Variants in PPP2R1B observed in about 807,000 individuals in gnomAD.
PPP2R1B encodes protein phosphatase 2 scaffold subunit Abeta, also known as serine/threonine-protein phosphatase 2A 65 kDa regulatory subunit A beta isoform.
In PPP2R1B, 58 loss-of-function variants were observed where a neutral mutation model predicts 72.7. The observed-to-expected ratio is 0.80, with a 90% confidence interval of 0.65 to 0.99. The LOEUF is 0.99. Ranked by LOEUF, PPP2R1B falls within the 50% of genes least tolerant of loss-of-function variation. The pLI is 0.00. For missense variants in PPP2R1B, 695 were observed against 733.6 expected, an observed-to-expected ratio of 0.95 and a Z score of 0.61; for synonymous variants, 256 against 264.6, an observed-to-expected ratio of 0.97 and a Z score of 0.32.
the PPP2R1B span, chr11:111,712,347 T>A: frequency 6.2e-7 from 1 of 1,614,148 alleles, no homozygotes; most frequent in Non-Finnish European, 8.5e-7. Context: ...GCTGCATTCA[T>A]GGAAGAAGAG....
the PPP2R1B span, among the ~76,000 whole-genome samples, chr11:111,695,611 C>A: frequency 6.6e-6 from 1 of 152,130 alleles, no homozygotes; most frequent in South Asian, 2.1e-4. Context: ...GTCTGGAGAC[C>A]AGCAGCATGA....
chr11:111,737,317 C>G, downstream of PPP2R1B: 1 of 1,383,406 alleles, frequency 7.2e-7, no homozygotes, highest in Non-Finnish European at 9.9e-7. Context: ...TAAAATTGGA[C>G]TCTTCCCCTG....
intron 15 of PPP2R1B, chr11:111,727,150 A>T: frequency 9.6e-7 from 1 of 1,038,874 alleles, no homozygotes; most frequent in Non-Finnish European, 1.5e-6. Context: ...CCCCCTCGCC[A>T]CCTCTGCCTG....
At chr11:111,705,788 C>G in the PPP2R1B span, among the ~76,000 whole-genome samples, 1 of 152,124 alleles carries the variant, frequency 6.6e-6, no homozygotes, top group Non-Finnish European at 1.5e-5. This position sits in a 1 kb window ranked among gnomAD's most constrained non-coding sequence, Gnocchi z 4.3. Flanking sequence ...AAAATTCTAT[C>G]GATGCTTTAA....
chr11:111,711,575 T>G, the PPP2R1B span, among the ~76,000 whole-genome samples: 1 of 152,206 alleles, frequency 6.6e-6, no homozygotes, highest in Admixed American at 6.5e-5. Flanking sequence ...GCAGTAAGCT[T>G]CTCTCCTTCC....
rs1372805621 is a variant in PPP2R1B at position 111,738,478 on chromosome 11, G to A, written c.*3118C>T. 9 of 985,322 alleles carry A rather than the reference G, an allele frequency of 9.1e-6. No homozygotes were observed. Among genetic ancestry groups the A allele is most frequent in the South Asian group, 4.7e-5 (1 of 21,292 alleles). 61.0% of individuals were successfully genotyped at this position (985,322 alleles called of 1,614,324 possible). ...ACAAAAGTGCACCAGGTTAACCGCC[G>A]GGTCAGGAAGGACAGGCTTGCTTCC... On this transcript the variant is annotated 3_prime_UTR_variant, in exon 15 of 15. Coordinates refer to ENST00000527614, the MANE Select transcript of PPP2R1B (RefSeq NM_002716.5).
intron 9 of PPP2R1B, among the ~76,000 whole-genome samples, chr11:111,752,808 A>C (rs1283348300): frequency 6.6e-6 from 1 of 152,090 alleles, no homozygotes; most frequent in African/African-American, 2.4e-5. Flanking sequence ...CTAAAAATAC[A>C]AAAAATTAGC....
chr11:111,761,810 T>G (rs1945339653), intron 3 of PPP2R1B, among the ~76,000 whole-genome samples: 1 of 152,030 alleles, frequency 6.6e-6, no homozygotes, highest in Admixed American at 6.6e-5. Flanking sequence ...AATACAAAAA[T>G]TAGCCAGACA....
At chr11:111,713,966 C>G in the PPP2R1B span, among the ~76,000 whole-genome samples, 1 of 147,432 alleles carries the variant, frequency 6.8e-6, no homozygotes, top group Non-Finnish European at 1.5e-5. Context: ...GACTGCATCT[C>G]AAAAAAAAAA....
chr11:111,726,809 G>T, downstream of PPP2R1B: 1 of 672,006 alleles, frequency 1.5e-6, no homozygotes, highest in Non-Finnish European at 2.6e-6. Flanking sequence ...TTAGCAGTGT[G>T]TACACTACTG....
downstream of PPP2R1B, chr11:111,726,448 C>G (rs540701427): frequency 6.5e-6 from 1 of 154,252 alleles, no homozygotes; most frequent in South Asian, 2.0e-4. Flanking sequence ...CACACGGCAG[C>G]GGCGTGGACA....
chr11:111,746,561 C>T (rs1041657278), intron 11 of PPP2R1B, among the ~76,000 whole-genome samples: 6 of 152,050 alleles, frequency 3.9e-5, no homozygotes, highest in South Asian at 2.1e-4. Flanking sequence ...TTGATAGATG[C>T]GGCAAACCAC....
At chr11:111,726,556 A>G (rs1187388431), downstream of PPP2R1B, 1 of 171,792 alleles carries the variant, frequency 5.8e-6, no homozygotes, top group Non-Finnish European at 1.3e-5. Context: ...AATAAATTCC[A>G]TAACCCTCTG....
At chr11:111,714,307 T>C in the PPP2R1B span, among the ~76,000 whole-genome samples, 1 of 152,200 alleles carries the variant, frequency 6.6e-6, no homozygotes, top group Non-Finnish European at 1.5e-5. Context: ...AATTTAGATG[T>C]TTTCCCTAAG....
At chr11:111,722,852 C>A, downstream of PPP2R1B, 1 of 1,150,868 alleles carries the variant, frequency 8.7e-7, no homozygotes, top group Admixed American at 2.0e-5. This position sits in a 1 kb window ranked among gnomAD's most constrained non-coding sequence, Gnocchi z 4.4. Context: ...TTCGCCACTA[C>A]TAGGAAAATA....
At chr11:111,717,757 C>G in the PPP2R1B span, among the ~76,000 whole-genome samples, 7 of 152,268 alleles carry the variant, frequency 4.6e-5, no homozygotes, top group East Asian at 1.2e-3. Context: ...GAATACCATG[C>G]ATACATAGAA....
At chr11:111,720,137 C>A in the PPP2R1B span, 1 of 879,364 alleles carries the variant, frequency 1.1e-6, no homozygotes, top group Non-Finnish European at 1.8e-6. Context: ...TTAGATTCAG[C>A]AGGTATAGCA....
At chr11:111,712,040 A>G in the PPP2R1B span, among the ~76,000 whole-genome samples, 1 of 152,270 alleles carries the variant, frequency 6.6e-6, no homozygotes, top group South Asian at 2.1e-4. Context: ...AGTCTGCTTC[A>G]GATCACTGTC....
chr11:111,723,782 C>G (rs377257252), downstream of PPP2R1B: 123 of 1,614,010 alleles, frequency 7.6e-5, 1 homozygote, highest in Middle Eastern at 7.6e-3. Flanking sequence ...CCGGGCTGCT[C>G]CTCCTCTGCC....
Sources: gnomAD v4.1 joint callset for allele counts (sites outside exome capture counted in the v4.1 genomes callset) on GRCh38, gnomAD v4.1.1 for gene constraint, Gnocchi (gnomAD v3.1) non-coding constraint, MANE v1.5 for transcripts, NCBI Gene and HGNC (gene_info 2026-07-23, HGNC 2026-07-21) for gene names.